Variants in PARVB observed in about 807,000 individuals in gnomAD.
PARVB encodes beta-parvin.
Under a neutral mutation model 47.0 loss-of-function variants are expected in PARVB, and 46 were observed. That is an observed-to-expected ratio of 0.98 (90% CI 0.77 to 1.25). The LOEUF (loss-of-function observed/expected upper bound fraction) is 1.25, where lower values mean the gene tolerates loss of function less well. Among genes scored for constraint, PARVB ranks in the 50% most tolerant of loss-of-function variants. PARVB has a pLI of 0.00. For missense variants in PARVB, 473 were observed against 471.6 expected, an observed-to-expected ratio of 1.00 and a Z score of -0.03; for synonymous variants, 196 against 196.3, an observed-to-expected ratio of 1.00 and a Z score of 0.01.
chr22:44,077,823 G>A (rs2051811687), intron 1 of PARVB, among the ~76,000 whole-genome samples: 2 of 151,842 alleles, frequency 1.3e-5, no homozygotes, highest in African/African-American at 2.4e-5. Flanking sequence ...TCAGCCTCCC[G>A]AGTAGCTGGT....
intron 4 of PARVB, among the ~76,000 whole-genome samples, chr22:44,130,633 G>T (rs1462226094): frequency 6.6e-6 from 1 of 152,208 alleles, no homozygotes; most frequent in East Asian, 1.9e-4. Flanking sequence ...AGCCTCAGGT[G>T]TGTGGGGAGG....
chr22:44,020,955 A>G (rs1311034394), upstream of PARVB, among the ~76,000 whole-genome samples: 1 of 151,844 alleles, frequency 6.6e-6, no homozygotes, highest in Non-Finnish European at 1.5e-5. Context: ...TAATTTTTGT[A>G]TTTTTAGTAG....
chr22:44,025,752 G>C (rs2050717591), intron 1 of PARVB, among the ~76,000 whole-genome samples: 2 of 152,170 alleles, frequency 1.3e-5, no homozygotes, highest in African/African-American at 4.8e-5. Flanking sequence ...CTTCCATGCA[G>C]TCATCAGCAC....
At chr22:44,078,389 C>A (rs2051823888) in intron 1 of PARVB, among the ~76,000 whole-genome samples, 1 of 152,164 alleles carries the variant, frequency 6.6e-6, no homozygotes, top group Non-Finnish European at 1.5e-5. Flanking sequence ...ACAGCATGGA[C>A]TGAGTTCCCC....
intron 12 of PARVB, among the ~76,000 whole-genome samples, chr22:44,164,686 G>T (rs370590863): frequency 1.1e-4 from 16 of 152,252 alleles, no homozygotes; most frequent in Admixed American, 7.2e-4. Flanking sequence ...TTAGTGCCCT[G>T]GGCCCCCACT....
chr22:44,131,133 TTCTCTCTCTC>T (rs34132028), intron 4 of PARVB, among the ~76,000 whole-genome samples: 2 of 129,334 alleles, frequency 1.5e-5, no homozygotes, highest in Non-Finnish European at 1.6e-5. Context: ...TTTTCTTTCT[TTCTCTCTCTC>T]TCTCTCTCTC....
intron 1 of PARVB, among the ~76,000 whole-genome samples, chr22:44,093,158 G>A (rs738478): frequency 0.49 from 74,054 of 151,990 alleles, 18,697 homozygotes; most frequent in East Asian, 0.86. Flanking sequence ...ACAGAAGCAA[G>A]GGTTTTGGCA....
intron 1 of PARVB, among the ~76,000 whole-genome samples, chr22:44,024,825 G>A (rs1357449563): frequency 2.0e-5 from 3 of 152,186 alleles, no homozygotes; most frequent in Admixed American, 2.0e-4. Context: ...ACGCTCACGT[G>A]TGCAGGGCAC....
At chr22:44,027,852 T>C (rs1227566220) in intron 1 of PARVB, among the ~76,000 whole-genome samples, 3 of 150,148 alleles carry the variant, frequency 2.0e-5, no homozygotes, top group Non-Finnish European at 4.4e-5. Flanking sequence ...GAGCTGAGAT[T>C]GCCTCACTGC....
At chr22:44,104,387 T>C (rs1331648038) in intron 3 of PARVB, 2 of 152,326 alleles carry the variant, frequency 1.3e-5, no homozygotes, top group African/African-American at 4.8e-5. Flanking sequence ...TGTTAGTTAC[T>C]GTAGTGGTGG....
chr22:44,075,428 A>G (rs1458150717), intron 1 of PARVB, among the ~76,000 whole-genome samples: 1 of 152,198 alleles, frequency 6.6e-6, no homozygotes, highest in African/African-American at 2.4e-5. Context: ...AACAACGTCC[A>G]GACCAGAGGG....
chr22:44,147,264 G>A (rs1347479549), intron 8 of PARVB: 2 of 209,158 alleles, frequency 9.6e-6, no homozygotes, highest in Non-Finnish European at 2.0e-5. Context: ...TTTATTCTAA[G>A]CATGATAAGA....
chr22:44,102,665 C>T (rs1490604463), intron 3 of PARVB: 1 of 151,916 alleles, frequency 6.6e-6, no homozygotes, highest in African/African-American at 2.4e-5. Context: ...CATGGTGAAA[C>T]CCTGTCTCTA....
At chr22:44,069,989 G>C (rs2146976360) in intron 1 of PARVB, among the ~76,000 whole-genome samples, 1 of 152,312 alleles carries the variant, frequency 6.6e-6, no homozygotes, top group African/African-American at 2.4e-5. Context: ...CTGGGAGTGA[G>C]CCCAGCCTTG....
chr22:44,166,677 G>C (rs1286560821), intron 12 of PARVB, among the ~76,000 whole-genome samples: 8 of 152,376 alleles, frequency 5.3e-5, no homozygotes, highest in Non-Finnish European at 1.0e-4. Context: ...GCCCAGGCAG[G>C]GGGCAGAGCT....
intron 2 of PARVB, among the ~76,000 whole-genome samples, chr22:44,011,626 GTAAATAAA>G: frequency 6.6e-6 from 1 of 151,966 alleles, no homozygotes; most frequent in Non-Finnish European, 1.5e-5. Flanking sequence ...TGCTGTCTCA[GTAAATAAA>G]TAAATAAATA....
At position 44,049,541 on chromosome 22, in the gene PARVB, C is replaced by T. The variant is rs910345091; in HGVS notation, c.112+25090C>T. Among the ~76,000 whole-genome samples, 30 of 152,208 alleles carry T rather than the reference C, an allele frequency of 2.0e-4. No homozygotes were observed. Among genetic ancestry groups the T allele is most frequent in the Admixed American group, 9.8e-4 (15 of 15,286 alleles). On this transcript the variant is annotated intron_variant, in intron 1 of 12. Transcript: ENST00000338758. This position sits in a 1 kb window ranked among gnomAD's most constrained non-coding sequence, Gnocchi z 4.0. The stretch of plus-strand genomic sequence containing the variant: ...CAGAGGATGCACTGCGTGCAGGCTG[C>T]GGCTCGAGGTCAATCAGATTCCTCC...
At chr22:44,097,182 A>G (rs1056709916) in intron 2 of PARVB, among the ~76,000 whole-genome samples, 8 of 152,236 alleles carry the variant, frequency 5.3e-5, no homozygotes, top group Middle Eastern at 3.4e-3. Context: ...AGCCTCTCAC[A>G]GCCCTTTTCT....
At chr22:44,102,320 C>A (rs185441306) in intron 3 of PARVB, among the ~76,000 whole-genome samples, 2,903 of 152,320 alleles carry the variant, frequency 0.019, 90 homozygotes, top group African/African-American at 0.063. Flanking sequence ...CTCTGAACAC[C>A]ATTCCAGACA....
Sources: allele counts gnomAD v4.1 joint callset (sites outside exome capture counted in the v4.1 genomes callset), GRCh38; gene constraint gnomAD v4.1.1; non-coding constraint Gnocchi (gnomAD v3.1); transcripts MANE v1.5; gene names NCBI Gene and HGNC (gene_info 2026-07-23, HGNC 2026-07-21).